Variants in PCDHGA4 observed in about 807,000 individuals in gnomAD.
The protein encoded by PCDHGA4 is protocadherin gamma-A4.
In PCDHGA4, 38 loss-of-function variants were observed where a neutral mutation model predicts 54.6. That is an observed-to-expected ratio of 0.70 (90% CI 0.54 to 0.91). The LOEUF (loss-of-function observed/expected upper bound fraction) is 0.91. Ranked by LOEUF, PCDHGA4 falls within the 40% of genes least tolerant of loss-of-function variation. The probability of loss-of-function intolerance (pLI) is 0.00; values close to 1 mark genes in which losing one functional copy is unlikely to be tolerated. For missense variants in PCDHGA4, 1,298 were observed against 1,220.9 expected, an observed-to-expected ratio of 1.06 and a Z score of -0.94; for synonymous variants, 511 against 512.9, an observed-to-expected ratio of 1.00 and a Z score of 0.05.
At chr5:141,437,042 A>G (rs1355358776) in intron 1 of PCDHGA4, among the ~76,000 whole-genome samples, 1 of 152,264 alleles carries the variant, frequency 6.6e-6, no homozygotes, top group Non-Finnish European at 1.5e-5. Context: ...CACCGAAACC[A>G]GAAGGCTGGT....
intron 1 of PCDHGA4, among the ~76,000 whole-genome samples, chr5:141,464,263 T>TA (rs35224477): frequency 7.1e-4 from 74 of 103,538 alleles, no homozygotes; most frequent in East Asian, 1.9e-3. Flanking sequence ...AGACTCCGTC[T>TA]AAAAAAAAAA....
Position 141,476,845 on chromosome 5 carries a change from C to T in PCDHGA4, c.2515-17962C>T. On this transcript the variant is annotated intron_variant, in intron 1 of 3. Transcript: ENST00000571252. The surrounding 1 kb of genome is among the most constrained non-coding windows in gnomAD (Gnocchi z 7.6). ...TGGACGCGAATGACAATGCGCCTGT[C>T]TTCAACCAGTCCTTGTACCGGGCGC... 1 of 1,613,794 alleles carries T rather than the reference C, an allele frequency of 6.2e-7. No homozygotes were observed. Among genetic ancestry groups the T allele is most frequent in the Non-Finnish European group, 8.5e-7 (1 of 1,180,054 alleles).
intron 1 of PCDHGA4, chr5:141,360,665 A>T (rs758728447): frequency 6.2e-7 from 1 of 1,614,024 alleles, no homozygotes; most frequent in Non-Finnish European, 8.5e-7. Context: ...GACAACGAGT[A>T]CTTTGATCTC....
Position 141,419,433 on chromosome 5 carries a change from T to C in PCDHGA4, c.2514+61812T>C, listed in dbSNP as rs1333004780. 11 of 1,613,246 alleles carry C rather than the reference T, an allele frequency of 6.8e-6. No individual in the cohort carries two copies. The highest frequency in any genetic ancestry group is 9.3e-6 in the Non-Finnish European group (11 of 1,179,828). On this transcript the variant is annotated intron_variant, in intron 1 of 3. Coordinates refer to ENST00000571252, the MANE Select transcript of PCDHGA4 (RefSeq NM_018917.4). ...CAGCGCGCCTTCGACCACGAGCAGC[T>C]GCGCACCTTCGAGCTCACGCTGCAG... is the stretch of plus-strand genomic sequence containing the variant.
Position 141,431,939 on chromosome 5 carries a change from T to A in PCDHGA4, c.2515-62868T>A, listed in dbSNP as rs1377573207. The A allele has an allele frequency of 2.2e-5, 35 of 1,613,996 alleles. No individual in the cohort carries two copies. The highest frequency in any genetic ancestry group is 2.9e-5 in the Non-Finnish European group (34 of 1,180,000). On this transcript the variant is annotated intron_variant, in intron 1 of 3. Coordinates refer to ENST00000571252, the MANE Select transcript of PCDHGA4 (RefSeq NM_018917.4). This position sits in a 1 kb window ranked among gnomAD's most constrained non-coding sequence, Gnocchi z 4.8. ...CATCCAAGGAAATCTGCCCTTTAAA[T>A]TAGAAAAATCTTACGGAAATTACTA...
At chr5:141,410,178 C>G in intron 1 of PCDHGA4, 2 of 1,613,890 alleles carry the variant, frequency 1.2e-6, no homozygotes, top group South Asian at 1.1e-5. Flanking sequence ...GCCACCGCCA[C>G]GCTTCATCTG....
At chr5:141,397,770 A>G (rs913843546) in intron 1 of PCDHGA4, among the ~76,000 whole-genome samples, 13 of 152,238 alleles carry the variant, frequency 8.5e-5, no homozygotes, top group African/African-American at 2.2e-4. Flanking sequence ...TTTATTAAGT[A>G]TATGGACGTA....
At chr5:141,399,700 G>T (rs1354039219) in intron 1 of PCDHGA4, 1 of 1,613,422 alleles carries the variant, frequency 6.2e-7, no homozygotes. Flanking sequence ...GCGCACCTTC[G>T]AACTCACACT....
intron 1 of PCDHGA4, chr5:141,409,000 C>CACTG: frequency 6.2e-7 from 1 of 1,613,950 alleles, no homozygotes; most frequent in Non-Finnish European, 8.5e-7. Flanking sequence ...AAGTGACAGC[C>CACTG]ACTGACCAGG....
intron 1 of PCDHGA4, chr5:141,360,218 C>T (rs1331722103): frequency 6.2e-7 from 1 of 1,613,378 alleles, no homozygotes; most frequent in African/African-American, 1.3e-5. Context: ...TTCCCCGGGG[C>T]TCTCCCAGTC....
chr5:141,356,987 GA>G lies in PCDHGA4; in HGVS notation c.1881del (p.Asp628ThrfsTer47). ...GTGACCAAAGTGGTGGCAGTGGACAGAGACTCAGGTCAGAATGCCTGGCTGT... is the reference window on the plus strand; with the variant it reads ...GTGACCAAAGTGGTGGCAGTGGACAGGACTCAGGTCAGAATGCCTGGCTGT... ...YLVTKVVAVD[R>X]DSGQNAWLSY... On this transcript the variant is annotated frameshift_variant, in exon 1 of 4. Coordinates refer to ENST00000571252, the MANE Select transcript of PCDHGA4 (RefSeq NM_018917.4). LOFTEE classifies it high-confidence loss of function. The G allele has an allele frequency of 6.2e-7, 1 of 1,614,186 alleles. No individual in the cohort carries two copies. The highest frequency in any genetic ancestry group is 8.5e-7 in the Non-Finnish European group (1 of 1,180,028).
intron 1 of PCDHGA4, chr5:141,423,648 G>A (rs1291261924): frequency 2.5e-6 from 4 of 1,590,008 alleles, no homozygotes; most frequent in Middle Eastern, 1.7e-4. Flanking sequence ...AATGTGACCC[G>A]ACAAGTAATC....
intron 1 of PCDHGA4, among the ~76,000 whole-genome samples, chr5:141,474,644 C>G (rs1016496399): frequency 4.6e-5 from 7 of 152,180 alleles, no homozygotes; most frequent in Non-Finnish European, 1.0e-4. Flanking sequence ...CCTATATATC[C>G]TTACTTCTTT....
chr5:141,375,671 C>T (rs781705381), intron 1 of PCDHGA4: 14 of 1,614,148 alleles, frequency 8.7e-6, no homozygotes, highest in South Asian at 7.7e-5. Context: ...AGACCTACAG[C>T]TGTGGGTGAC....
At chr5:141,404,914 C>G (rs1423848318) in intron 1 of PCDHGA4, 1 of 1,613,830 alleles carries the variant, frequency 6.2e-7, no homozygotes, top group Non-Finnish European at 8.5e-7. Flanking sequence ...AGCCCCCTCT[C>G]TCGGCCACTG....
intron 1 of PCDHGA4, chr5:141,409,566 C>T: frequency 2.5e-6 from 4 of 1,613,978 alleles, no homozygotes; most frequent in Middle Eastern, 1.6e-4. Context: ...TTCGACCAGA[C>T]GTCCTACGTG....
chr5:141,406,532 G>A (rs58503510), intron 1 of PCDHGA4, among the ~76,000 whole-genome samples: 16,962 of 152,088 alleles, frequency 0.11, 1,106 homozygotes, highest in African/African-American at 0.18. Context: ...ATTTTCTGAC[G>A]AAGATTCAAA....
intron 1 of PCDHGA4, chr5:141,377,824 A>G (rs1774374957): frequency 6.6e-6 from 1 of 152,212 alleles, no homozygotes; most frequent in Admixed American, 6.5e-5. Context: ...TGGGCCAGTT[A>G]CAATCGCCAT....
intron 1 of PCDHGA4, among the ~76,000 whole-genome samples, chr5:141,452,350 A>G (rs1355934993): frequency 6.6e-6 from 1 of 152,212 alleles, no homozygotes; most frequent in Admixed American, 6.5e-5. Context: ...CCATTTATCC[A>G]AAAGCCTTGC....
Sources: allele counts gnomAD v4.1 joint callset (sites outside exome capture counted in the v4.1 genomes callset), GRCh38; gene constraint gnomAD v4.1.1; non-coding constraint Gnocchi (gnomAD v3.1); transcripts MANE v1.5; gene names NCBI Gene and HGNC (gene_info 2026-07-23, HGNC 2026-07-21).